Variants in MAPK10 observed in about 807,000 individuals in gnomAD.
MAPK10 encodes the protein mitogen-activated protein kinase 10, also known as JNK3 alpha protein kinase.
MAPK10 carries 25 observed loss-of-function variants against 59.3 expected under a neutral mutation model. That is an observed-to-expected ratio of 0.42 (90% CI 0.31 to 0.59). MAPK10 has a LOEUF of 0.59. MAPK10 is among the 20% of genes least tolerant of loss of function. The pLI, the probability that MAPK10 is intolerant of heterozygous loss-of-function variation, is 0.15. For missense variants in MAPK10, 351 were observed against 568.9 expected, an observed-to-expected ratio of 0.62 and a Z score of 3.90; for synonymous variants, 190 against 200.5, an observed-to-expected ratio of 0.95 and a Z score of 0.44.
chr4:86,406,480 C>G (rs1188587635), intron 1 of MAPK10, among the ~76,000 whole-genome samples: 1 of 152,142 alleles, frequency 6.6e-6, no homozygotes, highest in African/African-American at 2.4e-5. Context: ...CTCATTTTAA[C>G]CCAACTCAGT....
intron 1 of MAPK10, among the ~76,000 whole-genome samples, chr4:86,450,146 A>T (rs1750533890): frequency 6.6e-6 from 1 of 152,260 alleles, no homozygotes; most frequent in Non-Finnish European, 1.5e-5. Flanking sequence ...AATTTGTCAT[A>T]GCAGCAATAG....
chr4:86,223,938 ATG>A lies in MAPK10; in HGVS notation c.-6-29533_-6-29532del, dbSNP rs376793595. Among the ~76,000 whole-genome samples the A allele has an allele frequency of 5.5e-4, 84 of 152,244 alleles. 2 individuals are homozygous for A. In the East Asian group the frequency reaches 0.013, roughly 23 times the overall value. ...TGTGCCTTTCATACCCTCTTGTGGCATGTGTGGCATCATCAATCTTGACACCT... is the reference window on the plus strand; with the variant it reads ...TGTGCCTTTCATACCCTCTTGTGGCATGTGGCATCATCAATCTTGACACCT... On this transcript the variant is annotated intron_variant, in intron 2 of 13. Transcript: ENST00000641462.
chr4:86,344,773 T>C (rs1727146119), intron 2 of MAPK10, among the ~76,000 whole-genome samples: 1 of 152,206 alleles, frequency 6.6e-6, no homozygotes, highest in Non-Finnish European at 1.5e-5. Context: ...GTTGATATCA[T>C]ACCTAAAGTG....
intron 3 of MAPK10, among the ~76,000 whole-genome samples, chr4:86,169,254 T>C (rs1426484395): frequency 6.6e-6 from 1 of 151,976 alleles, no homozygotes; most frequent in Non-Finnish European, 1.5e-5. Context: ...CTACAGACGA[T>C]CAAACTACTC....
At chr4:86,194,529 A>G (rs1426960728) in intron 2 of MAPK10, 122 bp from the exon 3 acceptor site, 2 of 675,714 alleles carry the variant, frequency 3.0e-6, no homozygotes, top group African/African-American at 1.8e-5. Flanking sequence ...TCTCCAACAT[A>G]ATCCTTATCT....
intron 9 of MAPK10, among the ~76,000 whole-genome samples, chr4:86,078,226 C>T (rs938367206): frequency 6.6e-6 from 1 of 152,164 alleles, no homozygotes; most frequent in Non-Finnish European, 1.5e-5. Flanking sequence ...AAAATACTAA[C>T]ATGTTTCAGT....
intron 13 of MAPK10, among the ~76,000 whole-genome samples, chr4:86,018,751 T>C (rs1262073005): frequency 1.3e-5 from 2 of 152,234 alleles, no homozygotes; most frequent in African/African-American, 4.8e-5. Context: ...ATCTGTAGTA[T>C]AGTCCCCTAA....
At chr4:86,229,621 C>A (rs191328594) in intron 2 of MAPK10, among the ~76,000 whole-genome samples, 1 of 151,980 alleles carries the variant, frequency 6.6e-6, no homozygotes, top group East Asian at 1.9e-4. Flanking sequence ...TGCAGGAAAA[C>A]AACTGGCTTT....
chr4:86,353,527 G>T (rs112713798), intron 2 of MAPK10, among the ~76,000 whole-genome samples: 138 of 152,096 alleles, frequency 9.1e-4, no homozygotes, highest in Non-Finnish European at 1.5e-3. Flanking sequence ...AACGCTCATT[G>T]AATACATGTT....
chr4:86,560,153 T>C (rs1462817028), intron 1 of MAPK10, among the ~76,000 whole-genome samples: 2 of 152,210 alleles, frequency 1.3e-5, no homozygotes, highest in Non-Finnish European at 2.9e-5. Flanking sequence ...TTAAAGTTGT[T>C]AAATTTTACA....
chr4:86,226,899 T>C (rs17011526), intron 2 of MAPK10, among the ~76,000 whole-genome samples: 12,945 of 152,300 alleles, frequency 0.085, 1,223 homozygotes, highest in African/African-American at 0.23. Context: ...ATAGGTCCTC[T>C]ATGTGAGACA....
chr4:86,105,203 A>G (rs1233411422), intron 5 of MAPK10, among the ~76,000 whole-genome samples: 1 of 152,122 alleles, frequency 6.6e-6, no homozygotes, highest in Non-Finnish European at 1.5e-5. Flanking sequence ...ATTTAATGGG[A>G]TTATTTTGCT....
intron 9 of MAPK10, among the ~76,000 whole-genome samples, chr4:86,084,858 A>G (rs541856317): frequency 6.6e-6 from 1 of 152,242 alleles, no homozygotes; most frequent in African/African-American, 2.4e-5. Flanking sequence ...ATACTACAGA[A>G]CTATAGTAAC....
intron 2 of MAPK10, among the ~76,000 whole-genome samples, chr4:86,256,570 T>A (rs1035723805): frequency 6.6e-6 from 1 of 152,058 alleles, no homozygotes; most frequent in Non-Finnish European, 1.5e-5. Context: ...ATTTATTTAG[T>A]AAGTACCTAG....
chr4:86,299,733 T>A (rs961323685), intron 2 of MAPK10, among the ~76,000 whole-genome samples: 1 of 152,190 alleles, frequency 6.6e-6, no homozygotes, highest in Non-Finnish European at 1.5e-5. Context: ...TATATTATGC[T>A]ATTTACAAAG....
At chr4:86,055,843 C>T (rs2044444467) in intron 11 of MAPK10, among the ~76,000 whole-genome samples, 2 of 149,654 alleles carry the variant, frequency 1.3e-5, no homozygotes, top group African/African-American at 5.0e-5. Flanking sequence ...TATTTTCTGC[C>T]ACTTGAGAGT....
Position 86,225,498 on chromosome 4 carries a change from T to C in MAPK10, c.-6-31091A>G, listed in dbSNP as rs113179226. On this transcript the variant is annotated intron_variant, in intron 2 of 13. Coordinates refer to ENST00000641462, the MANE Select transcript of MAPK10 (RefSeq NM_138982.4). ...GTGGTTCCCTTTGAATTTCACCTCA[T>C]GGGCCATTTTCTTTTGCTAATTCAC... 2.3e-4 allele frequency among the ~76,000 whole-genome samples: 35 copies of C among 152,180 alleles called. No individual in the cohort carries two copies. The Middle Eastern group carries it at 0.01, about 44-fold the overall frequency.
chr4:86,386,534 G>A (rs1339416887), intron 1 of MAPK10, among the ~76,000 whole-genome samples: 3 of 151,996 alleles, frequency 2.0e-5, no homozygotes, highest in Non-Finnish European at 2.9e-5. Flanking sequence ...CTCTAATCTT[G>A]ATCTATAAAT....
chr4:86,572,498 G>A (rs1761534147), intron 1 of MAPK10, among the ~76,000 whole-genome samples: 1 of 152,136 alleles, frequency 6.6e-6, no homozygotes, highest in South Asian at 2.1e-4. Flanking sequence ...CTGTGTTCAT[G>A]GGGTATCTCC....
Sources: gnomAD v4.1 joint callset for allele counts (sites outside exome capture counted in the v4.1 genomes callset) on GRCh38, gnomAD v4.1.1 for gene constraint, MANE v1.5 for transcripts, NCBI Gene and HGNC (gene_info 2026-07-23, HGNC 2026-07-21) for gene names.